FANK1: variants seen among roughly 807,000 people sequenced by gnomAD.
The protein encoded by FANK1 is fibronectin type III and ankyrin repeat domains 1.
FANK1 carries 44 observed loss-of-function variants against 45.3 expected under a neutral mutation model. The ratio of observed to expected loss-of-function variants is 0.97; its 90% CI spans 0.76 to 1.25. The LOEUF is 1.25. Ranked by LOEUF, FANK1 falls within the 50% of genes most tolerant of loss-of-function variation. The pLI, the probability that FANK1 is intolerant of heterozygous loss-of-function variation, is 0.00. For missense variants in FANK1, 391 were observed against 424.4 expected (o/e 0.92, Z 0.69); for synonymous variants, 149 against 152.5 (o/e 0.98, Z 0.17).
At chr10:125,924,285 C>T (rs1208435053) in intron 1 of FANK1, among the ~76,000 whole-genome samples, 2 of 133,060 alleles carry the variant, frequency 1.5e-5, no homozygotes, top group East Asian at 2.4e-4. Context: ...TAGTCTCGCT[C>T]GCTCTTTCAC....
rs199561951 is a variant in FANK1 at position 126,004,933 on chromosome 10, C to T, written c.589C>T (p.Arg197Ter). 2.9e-5 allele frequency: 47 copies of T among 1,614,126 alleles called. No individual in the cohort carries two copies. The highest frequency in any genetic ancestry group is 3.3e-5 in the Admixed American group (2 of 60,014). Residue 197 changes from arginine to a stop codon, truncating the protein, a stop_gained, in exon 7 of 11, where the codon CGA becomes TGA. Coordinates refer to ENST00000368693, the MANE Select transcript of FANK1 (RefSeq NM_145235.5). LOFTEE classifies it high-confidence loss of function. ...AGHLDVVKYL[R>*]RHGASWQARD... ...ACACCTAGATGTTGTGAAATATCTC[C>T]GAAGACATGGCGCTTCTTGGCAGGC...
chr10:125,927,709 C>T (rs79744997), intron 1 of FANK1, among the ~76,000 whole-genome samples: 1 of 152,122 alleles, frequency 6.6e-6, no homozygotes, highest in East Asian at 1.9e-4. Context: ...CACCACCACG[C>T]TTGGCTAATT....
chr10:125,998,971 T>G (rs530834097), intron 6 of FANK1, among the ~76,000 whole-genome samples: 2 of 152,314 alleles, frequency 1.3e-5, no homozygotes, highest in South Asian at 4.1e-4. Context: ...GAGGACAACC[T>G]TATTGCTAAA....
At position 125,963,757 on chromosome 10, in the gene FANK1, G is replaced by C. The variant is rs76339414; in HGVS notation, c.14-16404G>C. Among the ~76,000 whole-genome samples the C allele has an allele frequency of 5.0e-3, 766 of 151,920 alleles. 9 individuals are homozygous for C. Among genetic ancestry groups the C allele is most frequent in the African/African-American group, 0.017 (693 of 41,410 alleles). On this transcript the variant is annotated intron_variant, in intron 1 of 10. Coordinates refer to ENST00000368693, the MANE Select transcript of FANK1 (RefSeq NM_145235.5). ...GGGGCCTGTCATGGGGTGTGGGTAG[G>C]GGGGAGGGATAGCATTAGGAGAAAT...
At chr10:125,995,101 C>A in intron 3 of FANK1, 1 of 285,508 alleles carries the variant, frequency 3.5e-6, no homozygotes, top group Non-Finnish European at 5.2e-6. Flanking sequence ...GTTTTCCTTG[C>A]TTGTAGGAGA....
At chr10:125,898,558 C>T (rs1385873627) in intron 1 of FANK1, among the ~76,000 whole-genome samples, 2 of 151,802 alleles carry the variant, frequency 1.3e-5, no homozygotes, top group Non-Finnish European at 2.9e-5. Context: ...GGCCCTGAGA[C>T]CTGAGAGCAG....
At chr10:125,991,282 G>A (rs1387231542) in intron 3 of FANK1, among the ~76,000 whole-genome samples, 4 of 89,380 alleles carry the variant, frequency 4.5e-5, no homozygotes, top group South Asian at 3.1e-4. Context: ...TGTGTGTTGG[G>A]GGAGTGATCC....
chr10:125,938,680 G>A (rs1413475791), intron 1 of FANK1, among the ~76,000 whole-genome samples: 1 of 152,118 alleles, frequency 6.6e-6, no homozygotes, highest in Non-Finnish European at 1.5e-5. Context: ...ATGGTGGCAG[G>A]TGCCTGTAGT....
rs1305384145 is a variant in FANK1 at position 125,923,604 on chromosome 10, T to C, written c.13+26949T>C. On this transcript the variant is annotated intron_variant, in intron 1 of 10. Transcript: ENST00000368693. ...GTACAGTGGTACAATCATGGCTCAC[T>C]GCAGCCTCCGCCTCCCAGGCTCAAG... Among the ~76,000 whole-genome samples, 4 of 152,150 alleles carry C rather than the reference T, an allele frequency of 2.6e-5. No homozygotes were observed. The East Asian group carries it at 7.8e-4, about 30-fold the overall frequency.
At chr10:125,987,596 A>G (rs185823883) in intron 2 of FANK1, among the ~76,000 whole-genome samples, 3 of 152,220 alleles carry the variant, frequency 2.0e-5, no homozygotes, top group African/African-American at 7.2e-5. Context: ...AAATTTAGAG[A>G]TAAGATTTGA....
chr10:125,900,666 T>C (rs1944958477), intron 1 of FANK1, among the ~76,000 whole-genome samples: 1 of 152,162 alleles, frequency 6.6e-6, no homozygotes, highest in African/African-American at 2.4e-5. Flanking sequence ...GTTTTTTGTT[T>C]TTTGAGACGG....
At chr10:125,896,940 C>A (rs1314312052) in intron 1 of FANK1, among the ~76,000 whole-genome samples, 3 of 152,166 alleles carry the variant, frequency 2.0e-5, no homozygotes, top group African/African-American at 7.2e-5. Flanking sequence ...GCGACCCCAG[C>A]GTGCGTCTTC....
chr10:125,964,186 C>CTCT (rs1950084312), intron 1 of FANK1, among the ~76,000 whole-genome samples: 1 of 78,394 alleles, frequency 1.3e-5, no homozygotes, highest in Non-Finnish European at 2.2e-5. Flanking sequence ...TTCTCTCTCT[C>CTCT]TTTTTTTTTT....
chr10:125,950,794 G>A (rs200748730), intron 1 of FANK1, among the ~76,000 whole-genome samples: 37,946 of 139,940 alleles, frequency 0.27, 5,402 homozygotes, highest in East Asian at 0.41. Flanking sequence ...ACATGCACAC[G>A]TATGTTTATT....
At chr10:125,930,222 T>G (rs1270436073) in intron 1 of FANK1, among the ~76,000 whole-genome samples, 1 of 151,980 alleles carries the variant, frequency 6.6e-6, no homozygotes, top group African/African-American at 2.4e-5. Flanking sequence ...TTTGTATATT[T>G]AATAGAGATG....
At chr10:125,935,704 A>C (rs1296596174) in intron 1 of FANK1, among the ~76,000 whole-genome samples, 1 of 148,146 alleles carries the variant, frequency 6.8e-6, no homozygotes, top group Non-Finnish European at 1.5e-5. Flanking sequence ...ACATTTATTA[A>C]CTAATTGTCC....
intron 1 of FANK1, among the ~76,000 whole-genome samples, chr10:125,929,783 G>A (rs1947626781): frequency 6.6e-6 from 1 of 152,214 alleles, no homozygotes; most frequent in African/African-American, 2.4e-5. Flanking sequence ...TGTGGAAGCA[G>A]CTCTGAGCAT....
intron 1 of FANK1, among the ~76,000 whole-genome samples, chr10:125,917,807 G>C (rs1171050207): frequency 6.6e-6 from 1 of 152,308 alleles, no homozygotes; most frequent in African/African-American, 2.4e-5. Context: ...TGGTAGTCAG[G>C]CTCAGTGGCT....
intron 1 of FANK1, among the ~76,000 whole-genome samples, chr10:125,911,829 A>G (rs1946036309): frequency 6.6e-6 from 1 of 152,006 alleles, no homozygotes; most frequent in Admixed American, 6.6e-5. Flanking sequence ...CTGGGTCCTT[A>G]TTTCTGTTTT....
Sources: allele counts gnomAD v4.1 joint callset (sites outside exome capture counted in the v4.1 genomes callset), GRCh38; gene constraint gnomAD v4.1.1; transcripts MANE v1.5; gene names NCBI Gene and HGNC (gene_info 2026-07-23, HGNC 2026-07-21).